Variants in ANKHD1 observed in about 807,000 individuals in gnomAD.
The protein encoded by ANKHD1 is ankyrin repeat and KH domain containing 1.
ANKHD1 carries 31 observed loss-of-function variants against 230.5 expected under a neutral mutation model. The observed-to-expected ratio is 0.13, with a 90% CI of 0.10 to 0.18. The LOEUF (loss-of-function observed/expected upper bound fraction) is 0.18. Ranked by LOEUF, ANKHD1 falls within the 10% of genes least tolerant of loss-of-function variation. ANKHD1 has a pLI of 1.00. For synonymous variants in ANKHD1, 1,074 were observed against 1,117.6 expected, an observed-to-expected ratio of 0.96 and a Z score of 0.78; for missense variants, 2,256 against 3,071.3, an observed-to-expected ratio of 0.73 and a Z score of 6.27.
chr5:140,534,797 CA>C (rs1753999303), intron 29 of ANKHD1, among the ~76,000 whole-genome samples: 1 of 152,146 alleles, frequency 6.6e-6, no homozygotes, highest in African/African-American at 2.4e-5. Context: ...CAGATTTATA[CA>C]AACTAGATAG....
intron 3 of ANKHD1, 71 bp from the exon 4 acceptor site, chr5:140,440,048 T>C: frequency 7.1e-7 from 1 of 1,416,844 alleles, no homozygotes; most frequent in Non-Finnish European, 9.3e-7. Flanking sequence ...ACTATTTATA[T>C]TTAATATAAT....
At chr5:140,534,003 A>C (rs890340200) in intron 29 of ANKHD1, among the ~76,000 whole-genome samples, 3 of 152,054 alleles carry the variant, frequency 2.0e-5, no homozygotes, top group African/African-American at 7.2e-5. Context: ...CTACCACAAT[A>C]ATGAAAGTCT....
Position 140,529,225 on chromosome 5 carries a change from A to G in ANKHD1, c.6279A>G (p.Ser2093=). The G allele has an allele frequency of 2.5e-6, 4 of 1,614,190 alleles. No individual in the cohort carries two copies. The highest frequency in any genetic ancestry group is 3.4e-6 in the Non-Finnish European group (4 of 1,180,042). ...GTGTGTCTGATTTAAGTCCTATGTCAATGCCTTTTGCATCTAACTCAGAAC... is the reference window on the plus strand; with the variant it reads ...GTGTGTCTGATTTAAGTCCTATGTCGATGCCTTTTGCATCTAACTCAGAAC... ...PSSVSDLSPM[S]MPFASNSEPA... The change falls in exon 29 of 34, where the codon TCA becomes TCG. Residue 2093 remains serine (S), a synonymous_variant. Transcript: ENST00000360839.
In ANKHD1 at chr5:140,527,893, C is replaced by G. The variant is rs373576197; in HGVS notation, c.5108C>G (p.Pro1703Arg). 1 of 1,613,296 alleles carries G rather than the reference C, an allele frequency of 6.2e-7. No individual in the cohort carries two copies. The highest frequency in any genetic ancestry group is 8.5e-7 in the Non-Finnish European group (1 of 1,179,698). Reference protein sequence around the residue: ...VVRRSKKLSVPASVVSRIMGR... With the variant: ...VVRRSKKLSVRASVVSRIMGR... Reference sequence around the variant, plus strand: ...TATAGGTCAAAGAAATTGTCTGTTCCAGCCTCAGTGGTGTCGAGGATAATG... The same window carrying G: ...TATAGGTCAAAGAAATTGTCTGTTCGAGCCTCAGTGGTGTCGAGGATAATG... The change falls in exon 28 of 34, where the codon CCA (proline) becomes CGA (arginine). Residue 1703 changes from proline to arginine, a missense_variant. This residue lies in a region of ANKHD1 where 212 missense variants were observed against 257.3 expected (regional missense o/e 0.82). Coordinates refer to ENST00000360839, the MANE Select transcript of ANKHD1 (RefSeq NM_017747.3). The surrounding 1 kb of genome is among the most constrained non-coding windows in gnomAD (Gnocchi z 4.5).
intron 22 of ANKHD1, among the ~76,000 whole-genome samples, chr5:140,511,015 G>A (rs899055224): frequency 6.6e-6 from 1 of 151,910 alleles, no homozygotes; most frequent in Non-Finnish European, 1.5e-5. Flanking sequence ...TTGTAGAGAC[G>A]AGGTCTTGCT....
Position 140,497,357 on chromosome 5 carries a change from A to G in ANKHD1, c.3004+79A>G, listed in dbSNP as rs1474037483. On this transcript the variant is annotated intron_variant, in intron 15 of 33. Coordinates refer to ENST00000360839, the MANE Select transcript of ANKHD1 (RefSeq NM_017747.3). Reference sequence around the variant, plus strand: ...TCTTTATATACCCCTCCAAAAACGTAGACTTTGTACGTTTCCATTTTAGAA... The same window carrying G: ...TCTTTATATACCCCTCCAAAAACGTGGACTTTGTACGTTTCCATTTTAGAA... The G allele has an allele frequency of 4.0e-6, 6 of 1,500,428 alleles. No homozygotes were observed. In the Admixed American group the frequency reaches 1.1e-4, roughly 28 times the overall value. 92.9% of individuals were successfully genotyped at this position (1,500,428 alleles called of 1,614,324 possible).
chr5:140,487,085 A>C, intron 14 of ANKHD1, 25 bp downstream of exon 14: 1 of 1,598,998 alleles, frequency 6.3e-7, no homozygotes, highest in Non-Finnish European at 8.5e-7. Flanking sequence ...TATTTTTCTT[A>C]AAATGGGTAT....
intron 9 of ANKHD1, 144 bp downstream of exon 9, chr5:140,459,499 C>G (rs1775547424): frequency 9.3e-7 from 1 of 1,073,676 alleles, no homozygotes; most frequent in Non-Finnish European, 1.2e-6. Flanking sequence ...GGAGAGTACA[C>G]AAGGAGAGGG....
chr5:140,411,395 A>T (rs926790994), intron 1 of ANKHD1, among the ~76,000 whole-genome samples: 2 of 151,882 alleles, frequency 1.3e-5, no homozygotes, highest in Non-Finnish European at 2.9e-5. Flanking sequence ...GATTCTCCTA[A>T]CTTTCTTTTG....
At chr5:140,483,450 ATCTT>A (rs1751372782) in intron 11 of ANKHD1, among the ~76,000 whole-genome samples, 2 of 128,568 alleles carry the variant, frequency 1.6e-5, no homozygotes, top group Non-Finnish European at 3.3e-5. Context: ...GTAAGATTTT[ATCTT>A]TTTTTTTTTT....
At chr5:140,508,493 C>T (rs1371988980) in intron 20 of ANKHD1, among the ~76,000 whole-genome samples, 1 of 152,158 alleles carries the variant, frequency 6.6e-6, no homozygotes, top group Non-Finnish European at 1.5e-5. Context: ...GTGGCTCACT[C>T]CTGTAATCCC....
chr5:140,464,129 G>A (rs1183790630), intron 9 of ANKHD1, among the ~76,000 whole-genome samples: 5 of 151,718 alleles, frequency 3.3e-5, no homozygotes, highest in Admixed American at 6.6e-5. Context: ...CCACCTACTC[G>A]AGAGGCTGGG....
intron 1 of ANKHD1, among the ~76,000 whole-genome samples, chr5:140,430,985 G>A (rs1773000851): frequency 6.6e-6 from 1 of 152,140 alleles, no homozygotes; most frequent in Non-Finnish European, 1.5e-5. Context: ...TTGAAGTAAT[G>A]CTAATGCAAT....
rs1753725346 is a variant in ANKHD1 at position 140,529,501 on chromosome 5, T to C, written c.6555T>C (p.Ile2185=). 6.2e-7 allele frequency: 1 copy of C among 1,614,096 alleles called. No homozygotes were observed. The highest frequency in any genetic ancestry group is 1.7e-5 in the Admixed American group (1 of 60,008). Residue 2185 remains isoleucine, a synonymous_variant, in exon 29 of 34, where the codon ATT becomes ATC. Coordinates refer to ENST00000360839, the MANE Select transcript of ANKHD1 (RefSeq NM_017747.3). Reference sequence around the variant, plus strand: ...TGCAGCTTTCTTCAGCTGTGAACATTATGAATGGTTCTCAGATGCACATAA... The same window carrying C: ...TGCAGCTTTCTTCAGCTGTGAACATCATGAATGGTTCTCAGATGCACATAA... ...AAVQLSSAVN[I]MNGSQMHINP...
intron 1 of ANKHD1, among the ~76,000 whole-genome samples, chr5:140,415,606 T>G (rs975075291): frequency 2.0e-5 from 3 of 150,974 alleles, no homozygotes; most frequent in Non-Finnish European, 4.4e-5. Flanking sequence ...GCCCAGCTAA[T>G]TTTTGTATTT....
intron 22 of ANKHD1, among the ~76,000 whole-genome samples, chr5:140,510,944 T>A (rs1052039183): frequency 6.6e-5 from 10 of 152,108 alleles, no homozygotes; most frequent in African/African-American, 2.4e-4. Context: ...CGCCTCAGCC[T>A]CCTGAGTAGC....
chr5:140,490,108 A>G (rs1751702556), intron 14 of ANKHD1, among the ~76,000 whole-genome samples: 1 of 152,106 alleles, frequency 6.6e-6, no homozygotes, highest in African/African-American at 2.4e-5. Flanking sequence ...CCCTTGAGTG[A>G]TGAAATTGCT....
Position 140,528,931 on chromosome 5 carries a change from T to A in ANKHD1, c.5985T>A (p.Thr1995=), listed in dbSNP as rs1753708648. 4.3e-6 allele frequency: 7 copies of A among 1,614,206 alleles called. No individual in the cohort carries two copies. The highest frequency in any genetic ancestry group is 5.1e-6 in the Non-Finnish European group (6 of 1,180,034). ...CTTCTGTCTCCTCTGCACCTATCAC[T>A]AGCGGGCAAGCTCCCACCACATTTC... is the stretch of plus-strand genomic sequence containing the variant. The part of the protein sequence containing the change: ...SLPSVSSAPI[T]SGQAPTTFLP... The change falls in exon 29 of 34, where the codon ACT becomes ACA. Residue 1995 remains threonine, a synonymous_variant. Coordinates refer to ENST00000360839, the MANE Select transcript of ANKHD1 (RefSeq NM_017747.3).
chr5:140,457,785 A>C (rs1775325981), intron 7 of ANKHD1, among the ~76,000 whole-genome samples: 1 of 151,944 alleles, frequency 6.6e-6, no homozygotes, highest in Non-Finnish European at 1.5e-5. Flanking sequence ...GCACACCAAC[A>C]TGGCACACGT....
Sources: allele counts gnomAD v4.1 joint callset (sites outside exome capture counted in the v4.1 genomes callset), GRCh38; gene constraint gnomAD v4.1.1; regional missense constraint gnomAD v4.1.1; non-coding constraint Gnocchi (gnomAD v3.1); transcripts MANE v1.5; gene names NCBI Gene and HGNC (gene_info 2026-07-23, HGNC 2026-07-21).